DENND4C: variants seen among roughly 807,000 people sequenced by gnomAD.
DENND4C encodes DENN domain-containing protein 4C.
A neutral mutation model predicts 203.0 loss-of-function variants in DENND4C; 108 were observed. The ratio of observed to expected loss-of-function variants is 0.53; its 90% confidence interval spans 0.46 to 0.62. The LOEUF (loss-of-function observed/expected upper bound fraction) is 0.62, where lower values mean the gene tolerates loss of function less well. Among genes scored for constraint, DENND4C ranks in the 20% least tolerant of loss-of-function variants. The probability of loss-of-function intolerance (pLI) is 0.00; values close to 1 mark genes in which losing one functional copy is unlikely to be tolerated. For synonymous variants in DENND4C, 871 were observed against 792.4 expected (o/e 1.10, Z -1.67); for missense variants, 2,481 against 2,301.2 (o/e 1.08, Z -1.60).
intron 1 of DENND4C, among the ~76,000 whole-genome samples, chr9:19,269,515 A>G (rs1831195369): frequency 6.6e-6 from 1 of 152,182 alleles, no homozygotes; most frequent in Non-Finnish European, 1.5e-5. Flanking sequence ...TTATTCTGCT[A>G]AATCAATTCT....
At chr9:19,321,823 C>A (rs543988456) in intron 12 of DENND4C, among the ~76,000 whole-genome samples, 5 of 130,484 alleles carry the variant, frequency 3.8e-5, no homozygotes, top group African/African-American at 1.5e-4. Flanking sequence ...TAGAGTGAGA[C>A]TCCATCTCAA....
chr9:19,356,823 G>A (rs2132153756), intron 26 of DENND4C, 149 bp from the exon 27 acceptor site: 1 of 675,626 alleles, frequency 1.5e-6, no homozygotes, highest in East Asian at 2.7e-5. Context: ...GAGAGTGAGA[G>A]TGTATTGGAA....
chr9:19,247,438 C>G (rs1825566254), intron 1 of DENND4C, among the ~76,000 whole-genome samples: 1 of 152,164 alleles, frequency 6.6e-6, no homozygotes, highest in African/African-American at 2.4e-5. Flanking sequence ...TTCTGTCACC[C>G]AGGCCGAAAT....
chr9:19,288,804 A>G (rs1436164673), intron 4 of DENND4C, 139 bp downstream of exon 4: 6 of 436,114 alleles, frequency 1.4e-5, no homozygotes. Flanking sequence ...ATTTTAGCAT[A>G]TAAAGATATG....
chr9:19,318,032 T>C (rs1247719158), intron 12 of DENND4C, among the ~76,000 whole-genome samples: 1 of 152,192 alleles, frequency 6.6e-6, no homozygotes, highest in Non-Finnish European at 1.5e-5. Flanking sequence ...TATTAAAGTT[T>C]TCTCTAATGG....
At chr9:19,334,895 TG>T (rs1820088732) in intron 17 of DENND4C, 81 bp from the exon 18 acceptor site, 1 of 1,315,698 alleles carries the variant, frequency 7.6e-7, no homozygotes, top group Admixed American at 2.5e-5. Flanking sequence ...AATAACTTCA[TG>T]GAAAGAATTC....
At chr9:19,257,288 G>A (rs1424740377) in intron 1 of DENND4C, among the ~76,000 whole-genome samples, 8 of 151,220 alleles carry the variant, frequency 5.3e-5, no homozygotes, top group Non-Finnish European at 1.0e-4. Flanking sequence ...CCCAGGAGGC[G>A]GAGGTTGCAG....
At chr9:19,362,352 G>A (rs1037117649) in intron 30 of DENND4C, among the ~76,000 whole-genome samples, 2 of 152,088 alleles carry the variant, frequency 1.3e-5, no homozygotes, top group African/African-American at 4.8e-5. Flanking sequence ...ATCCATAGGT[G>A]ACTGGATAAG....
chr9:19,237,780 T>C (rs1464776945), intron 1 of DENND4C, among the ~76,000 whole-genome samples: 1 of 152,088 alleles, frequency 6.6e-6, no homozygotes, highest in African/African-American at 2.4e-5. Flanking sequence ...TCTAGAAATA[T>C]AATATAAACC....
intron 2 of DENND4C, among the ~76,000 whole-genome samples, chr9:19,284,715 C>G (rs1834845727): frequency 6.6e-6 from 1 of 151,790 alleles, no homozygotes; most frequent in Non-Finnish European, 1.5e-5. Context: ...GGGCGATTTT[C>G]TTTATTCTTT....
chr9:19,305,592 T>C lies in DENND4C; in HGVS notation c.1487+65T>C, dbSNP rs1242349607. 5 of 1,469,796 alleles carry C rather than the reference T, an allele frequency of 3.4e-6. No individual in the cohort carries two copies. The East Asian group carries it at 1.1e-4, about 33-fold the overall frequency. The allele number at this position is 1,469,796 out of a possible 1,614,324, so 91.0% of individuals were successfully genotyped here. On this transcript the variant is annotated intron_variant, in intron 10 of 32. Transcript: ENST00000434457. Reference sequence around the variant, plus strand: ...TTCACTATGTAGAGTTACAGTTCTTTGAAAGCATCTAGAAATATGCTATTT... The same window carrying C: ...TTCACTATGTAGAGTTACAGTTCTTCGAAAGCATCTAGAAATATGCTATTT...
At position 19,367,600 on chromosome 9, in the gene DENND4C, G is replaced by A. The variant is rs140343087; in HGVS notation, c.5525-2237G>A. Among the ~76,000 whole-genome samples the A allele has an allele frequency of 8.3e-3, 1,269 of 152,314 alleles. 23 individuals carry two copies. The highest frequency in any genetic ancestry group is 0.029 in the African/African-American group (1,221 of 41,560). ...AAAGAAATACAAAAATTAGCTGGGC[G>A]TGGTGGCACATGCCTGTAGTCCCAG... On this transcript the variant is annotated intron_variant, in intron 30 of 32. Coordinates refer to ENST00000434457, the MANE Select transcript of DENND4C (RefSeq NM_001330640.2).
In DENND4C at chr9:19,324,559, G is replaced by T. The variant is rs771967062; in HGVS notation, c.1953+52G>T. 8 of 1,540,558 alleles carry T rather than the reference G, an allele frequency of 5.2e-6. No individual in the cohort carries two copies. In the South Asian group the frequency reaches 9.6e-5, roughly 18 times the overall value. On this transcript the variant is annotated intron_variant, in intron 13 of 32. Transcript: ENST00000434457. ...TTAGAAAAAAAAGTTTGCCTTACCTGTGTAATTATCATTGTTATTGTTAGT... is the reference window on the plus strand; with the variant it reads ...TTAGAAAAAAAAGTTTGCCTTACCTTTGTAATTATCATTGTTATTGTTAGT...
At chr9:19,234,558 G>A (rs899713889) in intron 1 of DENND4C, among the ~76,000 whole-genome samples, 5 of 108,176 alleles carry the variant, frequency 4.6e-5, no homozygotes, top group Admixed American at 3.7e-4. Flanking sequence ...TTTTTAACAC[G>A]GTCTCACTTT....
intron 31 of DENND4C, 159 bp downstream of exon 31, chr9:19,370,146 GAACACA>G (rs1349223186): frequency 3.4e-6 from 3 of 875,720 alleles, no homozygotes; most frequent in Non-Finnish European, 5.3e-6. Flanking sequence ...ATTCCTACTT[GAACACA>G]AACACATAAT....
At chr9:19,274,756 T>TC (rs1832523045) in intron 1 of DENND4C, among the ~76,000 whole-genome samples, 2 of 152,254 alleles carry the variant, frequency 1.3e-5, no homozygotes, top group Non-Finnish European at 2.9e-5. Context: ...ACAAGAGTTC[T>TC]AACTGGATTG....
intron 1 of DENND4C, among the ~76,000 whole-genome samples, chr9:19,244,789 A>C (rs1250007505): frequency 6.6e-6 from 1 of 151,810 alleles, no homozygotes; most frequent in Non-Finnish European, 1.5e-5. Context: ...ATACACCTTT[A>C]ACTTTATGTA....
At chr9:19,278,074 C>CTT (rs34167347) in intron 2 of DENND4C, among the ~76,000 whole-genome samples, 86 of 120,294 alleles carry the variant, frequency 7.1e-4, no homozygotes, top group African/African-American at 2.5e-3. Context: ...CCTTTTTTTT[C>CTT]TTTTTTTTTT....
At chr9:19,287,855 C>G (rs1449420540) in intron 3 of DENND4C, among the ~76,000 whole-genome samples, 2 of 152,192 alleles carry the variant, frequency 1.3e-5, no homozygotes, top group African/African-American at 4.8e-5. Context: ...GTCTCAGCCT[C>G]CCAGGTAGCT....
Sources: allele counts gnomAD v4.1 joint callset (sites outside exome capture counted in the v4.1 genomes callset), GRCh38; gene constraint gnomAD v4.1.1; transcripts MANE v1.5; gene names NCBI Gene and HGNC (gene_info 2026-07-23, HGNC 2026-07-21).